Variants in COG5 observed in about 807,000 individuals in gnomAD.
COG5 encodes conserved oligomeric Golgi complex subunit 5.
Under a neutral mutation model 110.4 loss-of-function variants are expected in COG5, and 86 were observed. The observed-to-expected ratio is 0.78, with a 90% CI of 0.65 to 0.93. The LOEUF is 0.93. COG5 is among the 40% of genes least tolerant of loss of function. COG5 has a pLI of 0.00. For synonymous variants in COG5, 360 were observed against 334.6 expected (o/e 1.08, Z -0.83); for missense variants, 1,077 against 987.0 (o/e 1.09, Z -1.22).
chr7:107,470,964 T>C (rs1487742467), intron 6 of COG5, among the ~76,000 whole-genome samples: 1 of 151,966 alleles, frequency 6.6e-6, no homozygotes, highest in Non-Finnish European at 1.5e-5. Flanking sequence ...CATGTGCTAA[T>C]AATTAGGCAA....
At chr7:107,450,558 C>T (rs1795271330) in intron 6 of COG5, among the ~76,000 whole-genome samples, 1 of 151,946 alleles carries the variant, frequency 6.6e-6, no homozygotes, top group Non-Finnish European at 1.5e-5. Flanking sequence ...ACAAAAGTAC[C>T]CTATTCTGGA....
chr7:107,362,826 A>C lies in COG5; in HGVS notation c.836-406T>G, dbSNP rs186294474. 4.6e-5 allele frequency among the ~76,000 whole-genome samples: 7 copies of C among 152,060 alleles called. No homozygotes were observed. In the East Asian group the frequency reaches 5.8e-4, roughly 13 times the overall value. Reference sequence around the variant, plus strand: ...GTATCCCCTTTCTTAAAAAAAAAAAAAACCCTAAAACTGAACATAAACACA... The same window carrying C: ...GTATCCCCTTTCTTAAAAAAAAAAACAACCCTAAAACTGAACATAAACACA... On this transcript the variant is annotated intron_variant, in intron 8 of 21. Coordinates refer to ENST00000297135, the MANE Select transcript of COG5 (RefSeq NM_006348.5).
At chr7:107,538,119 G>T (rs1242836147) in intron 5 of COG5, among the ~76,000 whole-genome samples, 1 of 152,188 alleles carries the variant, frequency 6.6e-6, no homozygotes, top group Non-Finnish European at 1.5e-5. Context: ...TGGAAGCCAG[G>T]TATGTTCAAC....
chr7:107,427,516 AG>A (rs1693406395), intron 6 of COG5, among the ~76,000 whole-genome samples: 1 of 152,068 alleles, frequency 6.6e-6, no homozygotes, highest in Non-Finnish European at 1.5e-5. Context: ...CTTAACCCTC[AG>A]TACCTGTAAA....
At chr7:107,407,616 T>C (rs533070337) in intron 7 of COG5, among the ~76,000 whole-genome samples, 1 of 149,760 alleles carries the variant, frequency 6.7e-6, no homozygotes, top group East Asian at 2.0e-4. Context: ...TTAAGCATCT[T>C]CTTTTTTTTT....
At chr7:107,261,188 AC>A (rs953514512) in intron 14 of COG5, among the ~76,000 whole-genome samples, 11 of 152,064 alleles carry the variant, frequency 7.2e-5, no homozygotes, top group African/African-American at 2.7e-4. Context: ...GTATAAGTGG[AC>A]CTATGCAACT....
At position 107,201,519 on chromosome 7, in the gene COG5, GTCC is replaced by G. The variant is rs1291803271; in HGVS notation, c.*1994_*1996del. 9.2e-6 allele frequency: 7 copies of G among 761,148 alleles called. No homozygotes were observed. Among genetic ancestry groups the G allele is most frequent in the Non-Finnish European group, 1.6e-5 (7 of 444,770 alleles). 47.1% of individuals were successfully genotyped at this position (761,148 alleles called of 1,614,324 possible). On this transcript the variant is annotated 3_prime_UTR_variant, in exon 22 of 22. Transcript: ENST00000297135. ...TAAGAAGATCAAGGTCTCACCATTT[GTCC>G]TCAATTCGTGTGACCATAAGATACT...
intron 6 of COG5, among the ~76,000 whole-genome samples, chr7:107,489,791 C>T (rs1797874998): frequency 6.6e-6 from 1 of 151,966 alleles, no homozygotes; most frequent in Non-Finnish European, 1.5e-5. Context: ...AATAATTGCC[C>T]AAGAGATTTT....
intron 13 of COG5, 59 bp downstream of exon 13, chr7:107,283,512 A>AT: frequency 7.1e-7 from 1 of 1,409,782 alleles, no homozygotes; most frequent in Admixed American, 1.7e-5. Context: ...CTGCTATCAT[A>AT]TATCACTAAC....
intron 6 of COG5, among the ~76,000 whole-genome samples, chr7:107,525,652 G>A (rs1412485079): frequency 6.6e-6 from 1 of 151,838 alleles, no homozygotes; most frequent in Non-Finnish European, 1.5e-5. Flanking sequence ...TTGTGGGCTC[G>A]AGTGATCCTC....
chr7:107,206,969 T>C (rs1043870789), intron 21 of COG5, among the ~76,000 whole-genome samples: 3 of 151,606 alleles, frequency 2.0e-5, no homozygotes, highest in Non-Finnish European at 4.4e-5. Flanking sequence ...AAGTAGATTA[T>C]TGAGGTTATC....
intron 19 of COG5, among the ~76,000 whole-genome samples, chr7:107,223,730 AT>A (rs1169304704): frequency 1.3e-5 from 2 of 152,172 alleles, no homozygotes; most frequent in Non-Finnish European, 2.9e-5. Context: ...CTGGAATAAG[AT>A]GTGGGGTATG....
At chr7:107,362,265 G>T (rs1191159964) in intron 9 of COG5, 43 bp downstream of exon 9, 3 of 1,504,882 alleles carry the variant, frequency 2.0e-6, no homozygotes, top group Middle Eastern at 1.7e-4. Context: ...ATAACCAGGA[G>T]TTAATCCATA....
chr7:107,496,797 C>T (rs1798305822), intron 6 of COG5, among the ~76,000 whole-genome samples: 1 of 151,726 alleles, frequency 6.6e-6, no homozygotes, highest in East Asian at 1.9e-4. Context: ...ATGATAAAAA[C>T]ATTTAATAAA....
At chr7:107,389,730 T>C (rs923197497) in intron 7 of COG5, among the ~76,000 whole-genome samples, 1 of 152,110 alleles carries the variant, frequency 6.6e-6, no homozygotes, top group African/African-American at 2.4e-5. Context: ...CATTGCCACG[T>C]CCCATTCCCC....
At chr7:107,504,458 C>CT (rs929337104) in intron 6 of COG5, among the ~76,000 whole-genome samples, 1 of 151,990 alleles carries the variant, frequency 6.6e-6, no homozygotes, top group Non-Finnish European at 1.5e-5. Context: ...CTGTAGTTTT[C>CT]TTTTTTTGTT....
At chr7:107,400,682 C>A (rs1214447510) in intron 7 of COG5, among the ~76,000 whole-genome samples, 1 of 151,972 alleles carries the variant, frequency 6.6e-6, no homozygotes, top group Non-Finnish European at 1.5e-5. Context: ...AGTAATAACA[C>A]CAAAATACCC....
chr7:107,276,577 T>TG (rs1432215425), intron 14 of COG5, among the ~76,000 whole-genome samples: 3 of 152,088 alleles, frequency 2.0e-5, no homozygotes, highest in Non-Finnish European at 4.4e-5. Flanking sequence ...ACCTTGAGCC[T>TG]GGGAGGCAGA....
At chr7:107,227,179 T>C (rs1353602268) in intron 19 of COG5, among the ~76,000 whole-genome samples, 1 of 152,162 alleles carries the variant, frequency 6.6e-6, no homozygotes, top group Non-Finnish European at 1.5e-5. Flanking sequence ...TAAACTAATT[T>C]AGTGGGTTAA....
Sources: gnomAD v4.1 joint callset for allele counts (sites outside exome capture counted in the v4.1 genomes callset) on GRCh38, gnomAD v4.1.1 for gene constraint, MANE v1.5 for transcripts, NCBI Gene and HGNC (gene_info 2026-07-23, HGNC 2026-07-21) for gene names.